Variants in HEATR4 observed in about 807,000 individuals in gnomAD.
HEATR4 encodes HEAT repeat-containing protein 4.
Under a neutral mutation model 108.8 loss-of-function variants are expected in HEATR4, and 95 were observed. The observed-to-expected ratio is 0.87, with a 90% CI of 0.74 to 1.04. HEATR4 has a LOEUF of 1.04. Ranked by LOEUF, HEATR4 falls within the 50% of genes least tolerant of loss-of-function variation. The pLI is 0.00. For missense variants in HEATR4, 1,152 were observed against 1,253.8 expected (o/e 0.92, Z 1.23); for synonymous variants, 443 against 459.4 (o/e 0.96, Z 0.46).
chr14:73,629,881 T>C, the HEATR4 span, among the ~76,000 whole-genome samples: 1 of 151,714 alleles, frequency 6.6e-6, no homozygotes, highest in South Asian at 2.1e-4. Flanking sequence ...TCTCCTGACT[T>C]TGAGATCCGC....
In HEATR4 at chr14:73,495,212, C is replaced by T. The variant is rs1043013871; in HGVS notation, c.2785+16G>A. On this transcript the variant is annotated intron_variant, in intron 16 of 17. Coordinates refer to ENST00000553558, the MANE Select transcript of HEATR4 (RefSeq NM_001220484.1). ...TAAAGGAATCAAGGCATGGAACTCA[C>T]CCCTAGGAAACCTACCCTGAAAAGT... The T allele has an allele frequency of 6.2e-7, 1 of 1,610,012 alleles. No homozygotes were observed. The highest frequency in any genetic ancestry group is 1.7e-5 in the Admixed American group (1 of 59,588).
intron 1 of HEATR4, among the ~76,000 whole-genome samples, chr14:73,546,359 G>T (rs1889229832): frequency 1.0e-5 from 1 of 97,542 alleles, no homozygotes; most frequent in Non-Finnish European, 2.0e-5. Flanking sequence ...TTGACATTTC[G>T]TATTTTTTTT....
chr14:73,490,952 G>C lies in HEATR4; in HGVS notation c.2844+2114C>G, dbSNP rs1374851990. On this transcript the variant is annotated intron_variant, in intron 17 of 17. Coordinates refer to ENST00000553558, the MANE Select transcript of HEATR4 (RefSeq NM_001220484.1). ...CTTCCCAGAGTGCACCGCAGCCGCT[G>C]CATTCAGGAACCGCTTTAGCTTCGC... 7 of 1,285,896 alleles carry C rather than the reference G, an allele frequency of 5.4e-6. No homozygotes were observed. The East Asian group carries it at 1.3e-4, about 23-fold the overall frequency. The allele number at this position is 1,285,896 out of a possible 1,614,324, so 79.7% of individuals were successfully genotyped here. A position where few individuals can be genotyped will look rare whatever the true frequency, so the allele number is the denominator to read the frequency against.
chr14:73,519,058 G>A lies in HEATR4; in HGVS notation c.1175C>T (p.Pro392Leu). ...KQLSKVFPET[P>L]EKWSAQAIPE... is the part of the protein sequence containing the mutation. ...AATTGCCTGGGCACTCCACTTTTCT[G>A]GAGTTTCAGGGAAGACCTTAGATAG... The change falls in exon 5 of 18, where the codon CCA (proline) becomes CTA (leucine). Residue 392 changes from proline (P) to leucine (L), a missense_variant. Physicochemically the swap from Pro to Leu is moderately conservative, Grantham distance 98. Transcript: ENST00000553558. The A allele has an allele frequency of 1.2e-6, 2 of 1,613,714 alleles. No homozygotes were observed. The highest frequency in any genetic ancestry group is 1.7e-6 in the Non-Finnish European group (2 of 1,179,846).
chr14:73,481,138 C>T (rs1885238311), intron 17 of HEATR4, among the ~76,000 whole-genome samples: 1 of 152,060 alleles, frequency 6.6e-6, no homozygotes, highest in Non-Finnish European at 1.5e-5. Context: ...GAGACATGAA[C>T]CTCTTCAAAT....
At chr14:73,496,510 A>G in intron 15 of HEATR4, 91 bp downstream of exon 15, 2 of 753,390 alleles carry the variant, frequency 2.7e-6, no homozygotes, top group Admixed American at 4.5e-5. Flanking sequence ...TGGTGGGAAA[A>G]AGGGTATGTA....
chr14:73,610,289 G>A, the HEATR4 span, among the ~76,000 whole-genome samples: 12 of 110,468 alleles, frequency 1.1e-4, no homozygotes, highest in East Asian at 1.4e-3. Context: ...GTCAAGTGTC[G>A]CTTTTTTTTT....
At chr14:73,620,723 A>G in the HEATR4 span, among the ~76,000 whole-genome samples, 4 of 151,724 alleles carry the variant, frequency 2.6e-5, no homozygotes, top group African/African-American at 9.7e-5. Context: ...TCGTGCCACC[A>G]TGCCCAGCTA....
rs1256283620 is a variant in HEATR4, at chr14:73,500,530, AAT to A, written c.2286+18_2286+19del. The A allele has an allele frequency of 6.2e-7, 1 of 1,608,546 alleles. No homozygotes were observed. The highest frequency in any genetic ancestry group is 2.2e-5 in the East Asian group (1 of 44,800). The stretch of plus-strand genomic sequence containing the variant: ...CTTCAGGTCAATCAGGTAAGATGAG[AAT>A]ATGTTTCCCTGACTCACCATCTTGT... On this transcript the variant is annotated intron_variant, in intron 12 of 17. Transcript: ENST00000553558.
In HEATR4 at chr14:73,537,686, C is replaced by T. The variant is rs534788595; in HGVS notation, c.-151-7442G>A. The T allele has an allele frequency of 1.1e-3, 1,316 of 1,248,094 alleles. 369 individuals are homozygous for T. The highest frequency in any genetic ancestry group is 1.5e-3 in the Admixed American group (64 of 41,624). 77.3% of individuals were successfully genotyped at this position (1,248,094 alleles called of 1,614,324 possible). ...GCTCTGGGCCTTGGAGCCCGAGAAA[C>T]CCTTGGTGCGGCTGGTGAAGCGCGA... is the stretch of plus-strand genomic sequence containing the variant. On this transcript the variant is annotated intron_variant, in intron 1 of 17. Transcript: ENST00000553558.
chr14:73,506,804 G>GTTATTTTTTTTTTTTTTT (rs1886864356), intron 9 of HEATR4, among the ~76,000 whole-genome samples: 1 of 80,522 alleles, frequency 1.2e-5, no homozygotes, highest in African/African-American at 4.9e-5. Context: ...GACTTTAACT[G>GTTATTTTTTTTTTTTTTT]TTTTTTTTTT....
chr14:73,552,035 A>G lies in HEATR4; in HGVS notation c.-152+6716T>C, dbSNP rs111867236. On this transcript the variant is annotated intron_variant, in intron 1 of 17. Transcript: ENST00000553558. ...TAAAGTCCTAGGATCACAGTTAAAC[A>G]GGGCTCTTGACCTTCAGGTGCCCGG... 3.3e-3 allele frequency among the ~76,000 whole-genome samples: 374 copies of G among 113,794 alleles called. 39 individuals carry two copies. The highest frequency in any genetic ancestry group is 7.0e-3 in the African/African-American group (247 of 35,344). The allele number at this position is 113,794 out of a possible 152,430, so 74.7% of individuals were successfully genotyped here.
chr14:73,488,382 T>G (rs1885533317), intron 17 of HEATR4, among the ~76,000 whole-genome samples: 1 of 152,128 alleles, frequency 6.6e-6, no homozygotes, highest in Admixed American at 6.6e-5. Flanking sequence ...GCAATTCTCC[T>G]GCCTCAGCCT....
At chr14:73,569,398 T>A in the HEATR4 span, 1 of 1,613,926 alleles carries the variant, frequency 6.2e-7, no homozygotes, top group Non-Finnish European at 8.5e-7. Context: ...CTGAGGCAGG[T>A]TGGTCAGATC....
intron 17 of HEATR4, among the ~76,000 whole-genome samples, chr14:73,485,579 T>C (rs891822293): frequency 9.9e-5 from 15 of 152,028 alleles, no homozygotes; most frequent in Non-Finnish European, 2.1e-4. Flanking sequence ...ATTTTTGTAT[T>C]TAAAATTTTT....
rs1889096234 is a variant in HEATR4 at position 73,541,783 on chromosome 14, G to C, written c.-151-11539C>G. On this transcript the variant is annotated intron_variant, in intron 1 of 17. Coordinates refer to ENST00000553558, the MANE Select transcript of HEATR4 (RefSeq NM_001220484.1). ...TTTTCACAGAAGTTAGCTCATTCAT[G>C]ACAGCCATTCCCTACCCCAACACAC... The C allele has an allele frequency of 2.3e-6, 2 of 885,844 alleles. 1 individual carries two copies. Among genetic ancestry groups the C allele is most frequent in the Non-Finnish European group, 3.3e-6 (2 of 613,446 alleles). 54.9% of individuals were successfully genotyped at this position (885,844 alleles called of 1,614,324 possible). A position where few individuals can be genotyped will look rare whatever the true frequency, so the allele number is the denominator to read the frequency against.
intron 12 of HEATR4, 82 bp from the exon 13 acceptor site, chr14:73,499,222 T>C: frequency 8.4e-7 from 1 of 1,195,908 alleles, no homozygotes; most frequent in Non-Finnish European, 1.3e-6. Context: ...GGTGCACCCC[T>C]GTAATCCCAG....
Position 73,535,469 on chromosome 14 carries a change from C to CTTTTTTTTTTTTTTTT in HEATR4, c.-151-5241_-151-5226dup, listed in dbSNP as rs869167008. Among the ~76,000 whole-genome samples, 8 of 16,534 alleles carry CTTTTTTTTTTTTTTTT rather than the reference C, an allele frequency of 4.8e-4. 3 individuals are homozygous for CTTTTTTTTTTTTTTTT. Among genetic ancestry groups the CTTTTTTTTTTTTTTTT allele is most frequent in the Admixed American group, 3.1e-3 (2 of 650 alleles). The allele number at this position is 16,534 out of a possible 152,430, so 10.8% of individuals were successfully genotyped here. ...CCTTTTTCTTTTCTTTTTCTTCTTT[C>CTTTTTTTTTTTTTTTT]TTTTTTTTTTTTTTTTTTTTTTTTT... On this transcript the variant is annotated intron_variant, in intron 1 of 17. Transcript: ENST00000553558.
At chr14:73,610,406 G>A in the HEATR4 span, among the ~76,000 whole-genome samples, 4 of 150,024 alleles carry the variant, frequency 2.7e-5, no homozygotes, top group Admixed American at 1.3e-4. Context: ...TTCTCCTGCC[G>A]CCGCCTTCTG....
Sources: allele counts gnomAD v4.1 joint callset (sites outside exome capture counted in the v4.1 genomes callset), GRCh38; gene constraint gnomAD v4.1.1; transcripts MANE v1.5; gene names NCBI Gene and HGNC (gene_info 2026-07-23, HGNC 2026-07-21).